Variants in ANKS1B observed in about 807,000 individuals in gnomAD.
ANKS1B encodes ankyrin repeat and sterile alpha motif domain containing 1B.
Under a neutral mutation model 148.3 loss-of-function variants are expected in ANKS1B, and 36 were observed. That is an observed-to-expected ratio of 0.24 (90% CI 0.19 to 0.32). The LOEUF (loss-of-function observed/expected upper bound fraction) is 0.32. Ranked by LOEUF, ANKS1B falls within the 10% of genes least tolerant of loss-of-function variation. The pLI is 1.00. For missense variants in ANKS1B, 1,157 were observed against 1,542.6 expected (o/e 0.75, Z 4.19); for synonymous variants, 542 against 560.8 (o/e 0.97, Z 0.47).
At chr12:99,345,068 T>C (rs2090474310) in intron 12 of ANKS1B, 1 of 152,042 alleles carries the variant, frequency 6.6e-6, no homozygotes, top group Non-Finnish European at 1.5e-5. Flanking sequence ...AACTTACGTG[T>C]TTAGAACAAA....
At chr12:98,961,876 C>T (rs577034233) in intron 17 of ANKS1B, among the ~76,000 whole-genome samples, 1 of 151,868 alleles carries the variant, frequency 6.6e-6, no homozygotes, top group South Asian at 2.1e-4. Context: ...TTTCAAACCT[C>T]ATGGTAACTT....
chr12:99,316,651 T>C (rs1199176953), intron 12 of ANKS1B, among the ~76,000 whole-genome samples: 3 of 152,332 alleles, frequency 2.0e-5, no homozygotes, highest in East Asian at 3.9e-4. Flanking sequence ...TTTCTTTTGC[T>C]GTGCAGAAGC....
chr12:99,432,001 A>C (rs2095382202), intron 11 of ANKS1B, among the ~76,000 whole-genome samples: 1 of 152,156 alleles, frequency 6.6e-6, no homozygotes, highest in Admixed American at 6.5e-5. Context: ...AGACTGGATT[A>C]ATTCTCATGG....
At position 99,121,465 on chromosome 12, in the gene ANKS1B, G is replaced by A. The variant is rs17029081; in HGVS notation, c.2526+32824C>T. ...ATGTTACTTAAGGTACTTGAGGTTT[G>A]ATGTTCACTCAAACACTTTTGAGTA... On this transcript the variant is annotated intron_variant, in intron 15 of 26. Transcript: ENST00000683438. Among the ~76,000 whole-genome samples the A allele has an allele frequency of 0.012, 1,763 of 152,042 alleles. 82 individuals carry two copies. The South Asian group carries it at 0.16, about 13-fold the overall frequency.
At chr12:99,906,394 C>T (rs1163018945) in intron 1 of ANKS1B, among the ~76,000 whole-genome samples, 5 of 152,322 alleles carry the variant, frequency 3.3e-5, no homozygotes, top group South Asian at 2.1e-4. Flanking sequence ...TTCCCAAAGA[C>T]GTAATGCACA....
chr12:99,705,206 G>A (rs757650381), intron 8 of ANKS1B, among the ~76,000 whole-genome samples: 10 of 152,052 alleles, frequency 6.6e-5, no homozygotes, highest in African/African-American at 1.2e-4. Flanking sequence ...GTGACTATCC[G>A]TCCCTCAATC....
intron 1 of ANKS1B, among the ~76,000 whole-genome samples, chr12:99,828,505 A>G (rs2083484422): frequency 6.6e-6 from 1 of 152,196 alleles, no homozygotes; most frequent in Non-Finnish European, 1.5e-5. Context: ...ACTTGAGGAA[A>G]GCCTTTACTA....
chr12:99,059,711 C>T (rs893442914), intron 16 of ANKS1B, among the ~76,000 whole-genome samples: 12 of 146,800 alleles, frequency 8.2e-5, no homozygotes, highest in African/African-American at 2.3e-4. Flanking sequence ...TTCCATGACT[C>T]GTAAATTAAT....
intron 12 of ANKS1B, among the ~76,000 whole-genome samples, chr12:99,249,466 T>C (rs2074289181): frequency 6.6e-6 from 1 of 152,154 alleles, no homozygotes; most frequent in Admixed American, 6.5e-5. Context: ...AAAAGATAAT[T>C]TCATTGTTAG....
chr12:99,393,610 G>T (rs773000578), intron 12 of ANKS1B, among the ~76,000 whole-genome samples: 3 of 152,210 alleles, frequency 2.0e-5, no homozygotes, highest in Non-Finnish European at 4.4e-5. Context: ...ATATGTTGAT[G>T]GAGGAGAGGC....
chr12:98,853,183 A>G (rs2099541059), intron 17 of ANKS1B, among the ~76,000 whole-genome samples: 1 of 152,080 alleles, frequency 6.6e-6, no homozygotes, highest in South Asian at 2.1e-4. Flanking sequence ...TAAAATATGA[A>G]AACCCGGGTT....
intron 22 of ANKS1B, chr12:98,795,674 A>C (rs1399423411): frequency 2.0e-5 from 9 of 452,016 alleles, no homozygotes; most frequent in East Asian, 7.0e-5. Context: ...AAAAAGTGAA[A>C]AAAACAAAAC....
rs538128060 is a variant in ANKS1B at position 99,503,295 on chromosome 12, C to A, written c.1438+1181G>T. Reference sequence around the variant, plus strand: ...ATTTTAATTTAACCCTTCTTAAGATCTAGCTCTTACTTTCGGCCAATAACC... The same window carrying A: ...ATTTTAATTTAACCCTTCTTAAGATATAGCTCTTACTTTCGGCCAATAACC... On this transcript the variant is annotated intron_variant, in intron 10 of 26. Coordinates refer to ENST00000683438, the MANE Select transcript of ANKS1B (RefSeq NM_001352186.2). Among the ~76,000 whole-genome samples, 3 of 152,288 alleles carry A rather than the reference C, an allele frequency of 2.0e-5. No homozygotes were observed. In the South Asian group the frequency reaches 6.2e-4, roughly 32 times the overall value.
chr12:98,804,166 A>C (rs2099030668), intron 20 of ANKS1B, among the ~76,000 whole-genome samples: 1 of 152,216 alleles, frequency 6.6e-6, no homozygotes, highest in African/African-American at 2.4e-5. Context: ...GATAATTACA[A>C]GGAAAAGAAA....
intron 12 of ANKS1B, among the ~76,000 whole-genome samples, chr12:99,277,651 G>A (rs951134448): frequency 6.6e-6 from 1 of 152,182 alleles, no homozygotes; most frequent in Admixed American, 6.5e-5. Flanking sequence ...GTACTGTTCA[G>A]TAGTTTGGGA....
chr12:99,064,252 C>T (rs755357168), intron 16 of ANKS1B, among the ~76,000 whole-genome samples: 15 of 152,220 alleles, frequency 9.9e-5, no homozygotes, highest in Non-Finnish European at 1.9e-4. Flanking sequence ...TTTTCTATTT[C>T]GTGAAAAAGA....
intron 10 of ANKS1B, among the ~76,000 whole-genome samples, chr12:99,470,071 A>G (rs969460190): frequency 2.6e-5 from 4 of 151,948 alleles, no homozygotes; most frequent in African/African-American, 9.7e-5. Context: ...GTGAGTTATG[A>G]TTATCCCACT....
chr12:99,604,208 C>T (rs1051034978), intron 9 of ANKS1B, among the ~76,000 whole-genome samples: 3 of 151,902 alleles, frequency 2.0e-5, no homozygotes, highest in Non-Finnish European at 2.9e-5. Context: ...AACATAATAA[C>T]CAAAAATTGT....
chr12:99,651,407 C>A (rs1437360528), intron 9 of ANKS1B, among the ~76,000 whole-genome samples: 1 of 152,076 alleles, frequency 6.6e-6, no homozygotes, highest in African/African-American at 2.4e-5. Context: ...AGCCCAGTAT[C>A]ATATGATACT....
Sources: allele counts gnomAD v4.1 joint callset (sites outside exome capture counted in the v4.1 genomes callset), GRCh38; gene constraint gnomAD v4.1.1; transcripts MANE v1.5; gene names NCBI Gene and HGNC (gene_info 2026-07-23, HGNC 2026-07-21).